RHOU: variants seen among roughly 807,000 people sequenced by gnomAD.
RHOU encodes rho-related GTP-binding protein RhoU.
Under a neutral mutation model 12.6 loss-of-function variants are expected in RHOU, and 8 were observed. The observed-to-expected ratio is 0.64, with a 90% CI of 0.37 to 1.15. RHOU has a LOEUF of 1.15. Ranked by LOEUF, RHOU falls within the 50% of genes most tolerant of loss-of-function variation. The probability of loss-of-function intolerance (pLI) is 0.01; values close to 1 mark genes in which losing one functional copy is unlikely to be tolerated. For missense variants in RHOU, 258 were observed against 347.0 expected, an observed-to-expected ratio of 0.74 and a Z score of 2.04; for synonymous variants, 161 against 147.4, an observed-to-expected ratio of 1.09 and a Z score of -0.67.
Position 228,743,486 on chromosome 1 carries a change from T to C in RHOU, c.523T>C (p.Leu175=). The C allele has an allele frequency of 6.2e-7, 1 of 1,614,068 alleles. No homozygotes were observed. Among genetic ancestry groups the C allele is most frequent in the East Asian group, 2.2e-5 (1 of 44,872 alleles). The change falls in exon 3 of 3, where the codon TTG becomes CTG. Residue 175 remains leucine (L), a synonymous_variant. Transcript: ENST00000366691. The surrounding 1 kb of genome is among the most constrained non-coding windows in gnomAD (Gnocchi z 5.1). ...AGAAGATGTCAAAGTCCTCATTGAG[T>C]TGGACAAATGCAAAGAAAAGCCAGT... ...LREDVKVLIE[L]DKCKEKPVPE...
the RHOU span, among the ~76,000 whole-genome samples, chr1:228,665,571 G>C: frequency 6.6e-6 from 1 of 152,286 alleles, no homozygotes; most frequent in South Asian, 2.1e-4. Context: ...TCTTTGAGTG[G>C]AGTGGGGACA....
chr1:228,651,213 AG>A, the RHOU span: 1 of 209,620 alleles, frequency 4.8e-6, no homozygotes, highest in Admixed American at 5.3e-5. Context: ...CCCTCCTACC[AG>A]GGGGAGGCAG....
At chr1:228,720,076 C>T in the RHOU span, among the ~76,000 whole-genome samples, 17 of 152,074 alleles carry the variant, frequency 1.1e-4, no homozygotes, top group Admixed American at 6.6e-4. Context: ...GTCCATAATC[C>T]GAGCAACTTT....
chr1:228,650,930 G>A, the RHOU span: 55 of 369,332 alleles, frequency 1.5e-4, no homozygotes, highest in African/African-American at 1.1e-3. Flanking sequence ...AGGCCACATG[G>A]CTGACATTAG....
At chr1:228,705,210 TA>T in the RHOU span, among the ~76,000 whole-genome samples, 3 of 152,200 alleles carry the variant, frequency 2.0e-5, no homozygotes, top group African/African-American at 7.2e-5. Context: ...GCCCTCATTT[TA>T]AAATGCACTT....
rs1662823326 is a variant in RHOU at position 228,745,792 on chromosome 1, A to T, written c.*2052A>T. The T allele has an allele frequency of 3.3e-5, 5 of 152,246 alleles. 1 individual carries two copies. The South Asian group carries it at 1.0e-3, about 31-fold the overall frequency. The allele number at this position is 152,246 out of a possible 1,614,324, so 9.4% of individuals were successfully genotyped here. A position where few individuals can be genotyped will look rare whatever the true frequency, so the allele number is the denominator to read the frequency against. On this transcript the variant is annotated 3_prime_UTR_variant, in exon 3 of 3. Coordinates refer to ENST00000366691, the MANE Select transcript of RHOU (RefSeq NM_021205.6). ...GGTGCCTGGAGGTGTGGGAGGGAAGATGAGTTATTTAACTGGTAAGCGATT... is the reference window on the plus strand; with the variant it reads ...GGTGCCTGGAGGTGTGGGAGGGAAGTTGAGTTATTTAACTGGTAAGCGATT...
the RHOU span, among the ~76,000 whole-genome samples, chr1:228,673,181 C>G: frequency 1.3e-5 from 2 of 152,124 alleles, no homozygotes; most frequent in Non-Finnish European, 2.9e-5. Context: ...TCCCAGAAGC[C>G]CCATCTGATC....
the RHOU span, chr1:228,648,080 C>T: frequency 6.6e-6 from 1 of 152,254 alleles, no homozygotes; most frequent in South Asian, 2.1e-4. Context: ...CAGCCACGCC[C>T]GTCCGACTCC....
At chr1:228,726,497 C>T in the RHOU span, among the ~76,000 whole-genome samples, 2 of 152,066 alleles carry the variant, frequency 1.3e-5, no homozygotes, top group East Asian at 1.9e-4. Context: ...AAACCCCGTC[C>T]GTACTAAAAA....
intron 2 of RHOU, among the ~76,000 whole-genome samples, chr1:228,740,479 C>T (rs57437953): frequency 0.5 from 76,064 of 151,800 alleles, 20,741 homozygotes; most frequent in African/African-American, 0.74. Context: ...GTCAGTTGTT[C>T]TGTTTTTGTT....
At chr1:228,687,129 G>A in the RHOU span, among the ~76,000 whole-genome samples, 4 of 152,134 alleles carry the variant, frequency 2.6e-5, no homozygotes, top group African/African-American at 7.2e-5. Context: ...CACTATTTGA[G>A]TGAACAATTG....
At chr1:228,736,833 T>TA (rs60203629) in intron 1 of RHOU, among the ~76,000 whole-genome samples, 23,357 of 151,778 alleles carry the variant, frequency 0.15, 2,063 homozygotes, top group South Asian at 0.22. Flanking sequence ...CTTGCTTCTT[T>TA]AAAAAAAAAT....
At chr1:228,693,848 A>G in the RHOU span, among the ~76,000 whole-genome samples, 1 of 152,244 alleles carries the variant, frequency 6.6e-6, no homozygotes, top group South Asian at 2.1e-4. Context: ...ACTATTAACC[A>G]AGGTAGTATT....
chr1:228,727,904 T>C, the RHOU span, among the ~76,000 whole-genome samples: 1 of 152,184 alleles, frequency 6.6e-6, no homozygotes, highest in Non-Finnish European at 1.5e-5. Flanking sequence ...TTATCATCTC[T>C]GAGAATTTGG....
At chr1:228,671,426 A>T in the RHOU span, among the ~76,000 whole-genome samples, 3 of 152,060 alleles carry the variant, frequency 2.0e-5, no homozygotes, top group African/African-American at 7.2e-5. Flanking sequence ...ATTTAAAAAT[A>T]TGACAATCGG....
rs1662652719 is a variant in RHOU, at chr1:228,738,216, C to T, written c.321+485C>T. On this transcript the variant is annotated intron_variant, in intron 2 of 2. Transcript: ENST00000366691. This position sits in a 1 kb window ranked among gnomAD's most constrained non-coding sequence, Gnocchi z 4.2. Reference sequence around the variant, plus strand: ...TGAGCTATGGTTTGACTCGCTAGGACCAGCCCCATCACTTGAAGCACAGAT... The same window carrying T: ...TGAGCTATGGTTTGACTCGCTAGGATCAGCCCCATCACTTGAAGCACAGAT... 6.6e-6 allele frequency among the ~76,000 whole-genome samples: 1 copy of T among 152,192 alleles called. No individual in the cohort carries two copies. Among genetic ancestry groups the T allele is most frequent in the African/African-American group, 2.4e-5 (1 of 41,456 alleles).
rs749340206 is a variant in RHOU at position 228,743,671 on chromosome 1, A to G, written c.708A>G (p.Lys236=). ...CTCAGCAACAGCCAAAGAAGTCTAAAAGCAGGACTCCAGATAAAATGAAAA... is the reference window on the plus strand; with the variant it reads ...CTCAGCAACAGCCAAAGAAGTCTAAGAGCAGGACTCCAGATAAAATGAAAA... ...SDTQQQPKKS[K]SRTPDKMKNL... is the part of the protein sequence containing the mutation. Residue 236 remains lysine (K), a synonymous_variant, in exon 3 of 3, where the codon AAA becomes AAG. Transcript: ENST00000366691. The surrounding 1 kb of genome is among the most constrained non-coding windows in gnomAD (Gnocchi z 5.1). 8.1e-6 allele frequency: 13 copies of G among 1,614,036 alleles called. No individual in the cohort carries two copies. Among genetic ancestry groups the G allele is most frequent in the South Asian group, 3.3e-5 (3 of 91,080 alleles).
the RHOU span, among the ~76,000 whole-genome samples, chr1:228,714,598 GCA>G: frequency 6.6e-6 from 1 of 151,732 alleles, no homozygotes; most frequent in South Asian, 2.1e-4. Context: ...AAATTTATTT[GCA>G]CAGTTTTCAA....
the RHOU span, among the ~76,000 whole-genome samples, chr1:228,715,915 CTTT>C: frequency 3.7e-5 from 5 of 133,868 alleles, no homozygotes; most frequent in Admixed American, 7.5e-5. Flanking sequence ...AAAGTATGAA[CTTT>C]TTTTTTTTTT....
Sources: gnomAD v4.1 joint callset for allele counts (sites outside exome capture counted in the v4.1 genomes callset) on GRCh38, gnomAD v4.1.1 for gene constraint, Gnocchi (gnomAD v3.1) non-coding constraint, MANE v1.5 for transcripts, NCBI Gene and HGNC (gene_info 2026-07-23, HGNC 2026-07-21) for gene names.